The following SVIL variants were observed in gnomAD, a reference collection of about 807,000 sequenced individuals.
SVIL encodes the protein supervillin.
In SVIL, 101 loss-of-function variants were observed where a neutral mutation model predicts 240.4. The ratio of observed to expected loss-of-function variants is 0.42; its 90% CI spans 0.36 to 0.50. The LOEUF is 0.50. Among genes scored for constraint, SVIL ranks in the 20% least tolerant of loss-of-function variants. SVIL has a pLI of 0.01. For missense variants in SVIL, 2,512 were observed against 2,818.7 expected (o/e 0.89, Z 2.46); for synonymous variants, 999 against 1,100.0 (o/e 0.91, Z 1.82).
At chr10:29,538,613 C>T (rs1951910088) in intron 6 of SVIL, among the ~76,000 whole-genome samples, 1 of 152,218 alleles carries the variant, frequency 6.6e-6, no homozygotes, top group Non-Finnish European at 1.5e-5. Flanking sequence ...CAGATCGCCA[C>T]CAGCCATACA....
chr10:29,600,383 C>A (rs1956765772), intron 1 of SVIL, among the ~76,000 whole-genome samples: 1 of 152,176 alleles, frequency 6.6e-6, no homozygotes, highest in African/African-American at 2.4e-5. Flanking sequence ...GAGTCTTAAC[C>A]TTCCCATGCC....
chr10:29,518,098 T>A (rs2368398), intron 16 of SVIL, among the ~76,000 whole-genome samples: 65,164 of 150,628 alleles, frequency 0.43, 14,596 homozygotes, highest in African/African-American at 0.54. Context: ...TGAAAAAAAA[T>A]TTTTTTAAGG....
chr10:29,464,144 A>T (rs1252988804), intron 34 of SVIL, among the ~76,000 whole-genome samples: 1 of 152,178 alleles, frequency 6.6e-6, no homozygotes, highest in Non-Finnish European at 1.5e-5. Flanking sequence ...GGCCTTAAAA[A>T]GCAAAACTGC....
intron 36 of SVIL, among the ~76,000 whole-genome samples, chr10:29,461,081 C>T (rs971597323): frequency 6.6e-6 from 1 of 152,150 alleles, no homozygotes; most frequent in Admixed American, 6.5e-5. Context: ...AGGCCAGAGA[C>T]ACAGATTTGA....
intron 1 of SVIL, among the ~76,000 whole-genome samples, chr10:29,584,305 A>T (rs981334047): frequency 6.6e-6 from 1 of 152,208 alleles, no homozygotes; most frequent in East Asian, 1.9e-4. Flanking sequence ...ATGGCCCTGT[A>T]TGGCAGCGGC....
chr10:29,660,281 C>T (rs1196613236), intron 2 of SVIL, among the ~76,000 whole-genome samples: 2 of 152,010 alleles, frequency 1.3e-5, no homozygotes, highest in African/African-American at 4.8e-5. Context: ...TGCGCTCCAG[C>T]TCGGGCAACA....
chr10:29,551,188 G>T lies in SVIL; in HGVS notation c.236C>A (p.Thr79Asn). ...GGGTGAGTCACCGTGGACACCGGAG[G>T]TTTCTGTGCAGTATTTGGATCGAGT... The part of the protein sequence containing the change: ...KQTRSKYCTE[T>N]SGVHGDSPYG... Residue 79 changes from threonine (T) to asparagine (N), a missense_variant, in exon 6 of 38, where the codon ACC (threonine) becomes AAC (asparagine). Physicochemically the swap from Thr to Asn is moderately conservative, Grantham distance 65 (BLOSUM62 0). This residue lies in a region of SVIL where 1,443 missense variants were observed against 1,486.6 expected (regional missense o/e 0.97). Transcript: ENST00000355867. 1 of 1,613,918 alleles carries T rather than the reference G, an allele frequency of 6.2e-7. No homozygotes were observed. Among genetic ancestry groups the T allele is most frequent in the Non-Finnish European group, 8.5e-7 (1 of 1,179,992 alleles).
intron 12 of SVIL, among the ~76,000 whole-genome samples, chr10:29,528,210 T>C (rs751844445): frequency 6.6e-6 from 1 of 152,114 alleles, no homozygotes; most frequent in African/African-American, 2.4e-5. Context: ...CAAACTGATT[T>C]GCAAAGAGTT....
chr10:29,639,702 C>T (rs1024666972), upstream of SVIL, among the ~76,000 whole-genome samples: 14 of 152,178 alleles, frequency 9.2e-5, no homozygotes, highest in East Asian at 1.9e-4. Context: ...TCTAACCTCG[C>T]GTGATCTGCC....
At chr10:29,475,818 T>TATC (rs1946135731) in intron 29 of SVIL, among the ~76,000 whole-genome samples, 1 of 152,224 alleles carries the variant, frequency 6.6e-6, no homozygotes, top group African/African-American at 2.4e-5. Context: ...TCTGGTTTTA[T>TATC]ATCACTGCAG....
chr10:29,609,363 G>A (rs1344520121), intron 1 of SVIL, among the ~76,000 whole-genome samples: 1 of 152,210 alleles, frequency 6.6e-6, no homozygotes, highest in African/African-American at 2.4e-5. Flanking sequence ...CCCACCCTCT[G>A]CTGGTGCTGA....
intron 1 of SVIL, among the ~76,000 whole-genome samples, chr10:29,688,369 T>C (rs1228134638): frequency 1.3e-5 from 2 of 152,190 alleles, no homozygotes; most frequent in African/African-American, 4.8e-5. Flanking sequence ...AGATGCTCCC[T>C]AGAGTGTGGC....
At chr10:29,614,481 C>T (rs972892797) in intron 1 of SVIL, among the ~76,000 whole-genome samples, 1 of 151,972 alleles carries the variant, frequency 6.6e-6, no homozygotes, top group Non-Finnish European at 1.5e-5. Context: ...CTATGCAGCC[C>T]TAAAAAAGGA....
At chr10:29,496,603 TC>T (rs1479992303) in intron 18 of SVIL, 1 of 286,272 alleles carries the variant, frequency 3.5e-6, no homozygotes, top group African/African-American at 2.2e-5. Flanking sequence ...GCAAACGTGC[TC>T]CCCACCTAGC....
rs756925645 is a variant in SVIL, at chr10:29,524,010, G to C, written c.2604C>G (p.Leu868=). ...TGTTCACGGCAGGTGAGAAAGGAAT[G>C]AGCTTTCCACTCTGCACCTGGAAGG... ...GEVEQVQSGK[L]IPFSPAVNTS... The change falls in exon 15 of 38, where the codon CTC becomes CTG. Residue 868 remains leucine, a synonymous_variant. Coordinates refer to ENST00000355867, the MANE Select transcript of SVIL (RefSeq NM_021738.3). 1 of 1,611,620 alleles carries C rather than the reference G, an allele frequency of 6.2e-7. No individual in the cohort carries two copies.
intron 1 of SVIL, among the ~76,000 whole-genome samples, chr10:29,585,818 C>A (rs188169147): frequency 6.6e-6 from 1 of 152,236 alleles, no homozygotes; most frequent in South Asian, 2.1e-4. Flanking sequence ...CCGCGGTTCG[C>A]GTCTGTCTTC....
chr10:29,570,258 G>A (rs1318633127), intron 1 of SVIL, among the ~76,000 whole-genome samples: 2 of 152,220 alleles, frequency 1.3e-5, no homozygotes, highest in Admixed American at 1.3e-4. Flanking sequence ...AACTATGCAA[G>A]TATCTTGTTA....
intron 1 of SVIL, among the ~76,000 whole-genome samples, chr10:29,583,126 C>G (rs1296708998): frequency 6.6e-6 from 1 of 152,170 alleles, no homozygotes; most frequent in African/African-American, 2.4e-5. Context: ...TAGAGCTAGA[C>G]TCCAATAATT....
intron 16 of SVIL, among the ~76,000 whole-genome samples, chr10:29,515,575 C>T (rs540858973): frequency 3.3e-5 from 5 of 152,284 alleles, no homozygotes; most frequent in African/African-American, 1.2e-4. Flanking sequence ...TGATATTCTC[C>T]CTGTAAACTG....
Sources: gnomAD v4.1 joint callset for allele counts (sites outside exome capture counted in the v4.1 genomes callset) on GRCh38, gnomAD v4.1.1 for gene constraint, gnomAD v4.1.1 regional missense constraint, MANE v1.5 for transcripts, NCBI Gene and HGNC (gene_info 2026-07-23, HGNC 2026-07-21) for gene names.